Variants in TTLL4 observed in about 807,000 individuals in gnomAD.
TTLL4 encodes the protein tubulin monoglutamylase TTLL4.
A neutral mutation model predicts 122.7 loss-of-function variants in TTLL4; 85 were observed. The ratio of observed to expected loss-of-function variants is 0.69; its 90% confidence interval spans 0.58 to 0.83. The LOEUF (loss-of-function observed/expected upper bound fraction) is 0.83. Among genes scored for constraint, TTLL4 ranks in the 40% least tolerant of loss-of-function variants. The pLI, the probability that TTLL4 is intolerant of heterozygous loss-of-function variation, is 0.00. For missense variants in TTLL4, 1,363 were observed against 1,488.6 expected (o/e 0.92, Z 1.39); for synonymous variants, 553 against 563.0 (o/e 0.98, Z 0.25).
At chr2:218,714,668 CAG>C (rs1282326341) in intron 1 of TTLL4, among the ~76,000 whole-genome samples, 1 of 151,742 alleles carries the variant, frequency 6.6e-6, no homozygotes, top group Non-Finnish European at 1.5e-5. Context: ...GCTCAGAGCT[CAG>C]AGTTTTTGGG....
intron 2 of TTLL4, among the ~76,000 whole-genome samples, chr2:218,735,432 T>C (rs1942490110): frequency 1.3e-5 from 2 of 151,774 alleles, no homozygotes; most frequent in Admixed American, 1.3e-4. Flanking sequence ...AAATCAACTG[T>C]GTGTGGTGAT....
chr2:218,749,913 G>A (rs1422327286), intron 14 of TTLL4, 96 bp from the exon 15 acceptor site: 31 of 1,493,064 alleles, frequency 2.1e-5, no homozygotes, highest in African/African-American at 2.8e-5. Flanking sequence ...TCTTAGGGAA[G>A]CCAGGAAGTA....
rs761216316 is a variant in TTLL4, at chr2:218,738,559, A to G, written c.883A>G (p.Thr295Ala). ...IALSTASSHD[T>A]STTSVASSWY... Reference sequence around the variant, plus strand: ...CTTGTCTACCGCTAGCTCCCACGACACATCCACCACCAGTGTTGCCTCTTC... The same window carrying G: ...CTTGTCTACCGCTAGCTCCCACGACGCATCCACCACCAGTGTTGCCTCTTC... Residue 295 changes from threonine (T) to alanine (A), a missense_variant, in exon 3 of 20, where the codon ACA becomes GCA. Thr to Ala is a moderately conservative substitution (Grantham distance 58). Transcript: ENST00000392102. The G allele has an allele frequency of 6.8e-6, 11 of 1,614,128 alleles. No homozygotes were observed. The highest frequency in any genetic ancestry group is 1.1e-5 in the South Asian group (1 of 91,078).
intron 8 of TTLL4, 77 bp downstream of exon 8, chr2:218,746,308 G>A: frequency 6.7e-7 from 1 of 1,491,008 alleles, no homozygotes. Flanking sequence ...TGAGTAGGGG[G>A]TAGGGGGCGG....
rs1341011397 is a variant in TTLL4 at position 218,754,462 on chromosome 2, A to C, written c.*73A>C. ...CCTCACGGGAACCAGCCTGCTGTTC[A>C]GACCAGTCTGACCCCCTACCCCTTT... is the stretch of plus-strand genomic sequence containing the variant. On this transcript the variant is annotated 3_prime_UTR_variant, in exon 20 of 20. Coordinates refer to ENST00000392102, the MANE Select transcript of TTLL4 (RefSeq NM_014640.5). 2 of 1,585,664 alleles carry C rather than the reference A, an allele frequency of 1.3e-6. No homozygotes were observed. The highest frequency in any genetic ancestry group is 2.7e-5 in the African/African-American group (2 of 74,090).
At chr2:218,732,397 A>G (rs1942406094) in intron 2 of TTLL4, among the ~76,000 whole-genome samples, 1 of 152,194 alleles carries the variant, frequency 6.6e-6, no homozygotes, top group Non-Finnish European at 1.5e-5. Context: ...AGAGGCGCAC[A>G]TATACACAAA....
chr2:218,750,839 A>G (rs934595465), intron 15 of TTLL4, among the ~76,000 whole-genome samples: 1 of 150,846 alleles, frequency 6.6e-6, no homozygotes, highest in African/African-American at 2.4e-5. Context: ...TAGCTCATAC[A>G]CCTTCATGAG....
At chr2:218,736,788 A>G (rs1221792084) in intron 2 of TTLL4, among the ~76,000 whole-genome samples, 1 of 152,104 alleles carries the variant, frequency 6.6e-6, no homozygotes, top group Non-Finnish European at 1.5e-5. Context: ...AAGCAGACTA[A>G]ATCAGAGGCA....
chr2:218,746,122 T>TAGCA lies in TTLL4; in HGVS notation c.1898-30_1898-27dup, dbSNP rs746328869. The stretch of plus-strand genomic sequence containing the variant: ...TCTCTCTGTCCCTGGACTGAGCTGT[T>TAGCA]AGCAAGGCTGATTCCTGATGTACCT... On this transcript the variant is annotated intron_variant, in intron 7 of 19. Coordinates refer to ENST00000392102, the MANE Select transcript of TTLL4 (RefSeq NM_014640.5). 12 of 1,613,620 alleles carry TAGCA rather than the reference T, an allele frequency of 7.4e-6. 1 individual carries two copies. In the African/African-American group the frequency reaches 1.6e-4, roughly 22 times the overall value.
intron 2 of TTLL4, among the ~76,000 whole-genome samples, chr2:218,736,558 C>T (rs1942529136): frequency 6.6e-6 from 1 of 152,134 alleles, no homozygotes; most frequent in Non-Finnish European, 1.5e-5. Flanking sequence ...CCTGAACTCT[C>T]CTGTCCCAGT....
chr2:218,737,527 G>A, intron 2 of TTLL4, 52 bp from the exon 3 acceptor site: 1 of 932,592 alleles, frequency 1.1e-6, no homozygotes, highest in Non-Finnish European at 1.6e-6. Context: ...CTGTAGCATG[G>A]TGTCCGTTCT....
At position 218,738,138 on chromosome 2, in the gene TTLL4, T is replaced by A. The variant is rs1942584742; in HGVS notation, c.462T>A (p.Pro154=). The A allele has an allele frequency of 6.2e-7, 1 of 1,613,978 alleles. No individual in the cohort carries two copies. Among genetic ancestry groups the A allele is most frequent in the Admixed American group, 1.7e-5 (1 of 59,996 alleles). The change falls in exon 3 of 20, where the codon CCT becomes CCA. Residue 154 remains proline, a synonymous_variant. Coordinates refer to ENST00000392102, the MANE Select transcript of TTLL4 (RefSeq NM_014640.5). ...TTTCTCTCCCTCAAAAGAGCCTCCC[T>A]GTCAGTCTCACTGCCAACAAGGCCA... ...SPFSLPQKSL[P]VSLTANKATS...
rs1233009153 is a variant in TTLL4 at position 218,755,263 on chromosome 2, G to C, written c.*874G>C. The C allele has an allele frequency of 6.6e-6, 1 of 152,268 alleles. No homozygotes were observed. Among genetic ancestry groups the C allele is most frequent in the South Asian group, 2.1e-4 (1 of 4,824 alleles). 9.4% of individuals were successfully genotyped at this position (152,268 alleles called of 1,614,324 possible). A position where few individuals can be genotyped will look rare whatever the true frequency, so the allele number is the denominator to read the frequency against. ...AAACATGGTTTCTCAATGTTCTGCT[G>C]TGCAGCAAGCAGGGTCTGGCGGCTT... On this transcript the variant is annotated 3_prime_UTR_variant, in exon 20 of 20. Transcript: ENST00000392102.
chr2:218,719,478 A>G (rs957524773), intron 1 of TTLL4, among the ~76,000 whole-genome samples: 1 of 152,078 alleles, frequency 6.6e-6, no homozygotes, highest in Non-Finnish European at 1.5e-5. Context: ...CCCTGCAGAC[A>G]GGCATTTGAA....
intron 1 of TTLL4, among the ~76,000 whole-genome samples, chr2:218,711,499 AG>A (rs1334373139): frequency 6.6e-6 from 1 of 152,244 alleles, no homozygotes; most frequent in African/African-American, 2.4e-5. Flanking sequence ...AGATTCAAAC[AG>A]GATCTGAGAT....
chr2:218,717,155 G>A (rs962399831), intron 1 of TTLL4, among the ~76,000 whole-genome samples: 3 of 151,862 alleles, frequency 2.0e-5, no homozygotes, highest in African/African-American at 7.3e-5. Context: ...TAGAGACAAG[G>A]TTTCACCATG....
intron 12 of TTLL4, 32 bp from the exon 13 acceptor site, chr2:218,748,804 A>G (rs1942932822): frequency 6.3e-7 from 1 of 1,594,260 alleles, no homozygotes; most frequent in Non-Finnish European, 8.6e-7. Context: ...CCTAGAATTT[A>G]ATTCCTAATA....
At chr2:218,717,859 C>CACAG (rs1326054543) in intron 1 of TTLL4, among the ~76,000 whole-genome samples, 1 of 151,546 alleles carries the variant, frequency 6.6e-6, no homozygotes, top group Non-Finnish European at 1.5e-5. Flanking sequence ...AGTGCAGTGG[C>CACAG]ACAGTCTCGG....
Position 218,719,534 on chromosome 2 carries a change from A to G in TTLL4, c.-177-7735A>G, listed in dbSNP as rs539076757. 8.6e-5 allele frequency among the ~76,000 whole-genome samples: 13 copies of G among 152,028 alleles called. No homozygotes were observed. The East Asian group carries it at 2.5e-3, about 29-fold the overall frequency. On this transcript the variant is annotated intron_variant, in intron 1 of 19. Transcript: ENST00000392102. ...GTGTAAGACCAGCGCAGTTCACATAACAGAGTTCAAGGTAGGAGGAAATGG... is the reference window on the plus strand; with the variant it reads ...GTGTAAGACCAGCGCAGTTCACATAGCAGAGTTCAAGGTAGGAGGAAATGG...
Sources: gnomAD v4.1 joint callset for allele counts (sites outside exome capture counted in the v4.1 genomes callset) on GRCh38, gnomAD v4.1.1 for gene constraint, MANE v1.5 for transcripts, NCBI Gene and HGNC (gene_info 2026-07-23, HGNC 2026-07-21) for gene names.